Variants in ASTN2 observed in about 807,000 individuals in gnomAD.
The protein encoded by ASTN2 is astrotactin-2.
A neutral mutation model predicts 139.8 loss-of-function variants in ASTN2; 54 were observed. The observed-to-expected ratio is 0.39, with a 90% CI of 0.31 to 0.48. The LOEUF is 0.48. ASTN2 is among the 20% of genes least tolerant of loss of function. The pLI, the probability that ASTN2 is intolerant of heterozygous loss-of-function variation, is 0.95. For synonymous variants in ASTN2, 756 were observed against 719.5 expected, an observed-to-expected ratio of 1.05 and a Z score of -0.81; for missense variants, 1,565 against 1,725.1, an observed-to-expected ratio of 0.91 and a Z score of 1.64.
At chr9:117,350,007 T>C (rs1212919971) in intron 1 of ASTN2, among the ~76,000 whole-genome samples, 3 of 152,200 alleles carry the variant, frequency 2.0e-5, no homozygotes. Flanking sequence ...GAATAAAGTC[T>C]ATAGTATAGT....
chr9:116,862,583 G>A (rs1237286054), intron 11 of ASTN2, among the ~76,000 whole-genome samples: 1 of 152,074 alleles, frequency 6.6e-6, no homozygotes, highest in Non-Finnish European at 1.5e-5. Context: ...CAGAGAGAAG[G>A]TACAAGAAAA....
intron 20 of ASTN2, among the ~76,000 whole-genome samples, chr9:116,470,638 A>G (rs1173604193): frequency 6.6e-6 from 1 of 152,206 alleles, no homozygotes. Context: ...CATATCATTG[A>G]TTCTTTTATT....
intron 1 of ASTN2, among the ~76,000 whole-genome samples, chr9:117,353,358 T>C (rs1403015140): frequency 2.0e-5 from 3 of 152,196 alleles, no homozygotes; most frequent in Non-Finnish European, 4.4e-5. Context: ...GTTACATCTG[T>C]ACTGTCCAAT....
intron 12 of ASTN2, among the ~76,000 whole-genome samples, chr9:116,809,601 G>A (rs913381186): frequency 4.6e-5 from 7 of 152,094 alleles, no homozygotes; most frequent in Non-Finnish European, 1.0e-4. Context: ...TTCAGAATGG[G>A]CTTATCAAAT....
chr9:117,411,123 G>T (rs543164595), intron 1 of ASTN2, among the ~76,000 whole-genome samples: 1 of 152,054 alleles, frequency 6.6e-6, no homozygotes, highest in African/African-American at 2.4e-5. Context: ...TGGATTACGC[G>T]TTTGACCTCT....
chr9:116,771,513 C>A (rs1020992587), intron 13 of ASTN2, among the ~76,000 whole-genome samples: 1 of 152,178 alleles, frequency 6.6e-6, no homozygotes, highest in African/African-American at 2.4e-5. Flanking sequence ...GTAGGAACAG[C>A]ATCCAATTTA....
chr9:117,170,294 C>T (rs1830761692), intron 3 of ASTN2, among the ~76,000 whole-genome samples: 2 of 152,074 alleles, frequency 1.3e-5, no homozygotes, highest in African/African-American at 4.8e-5. Context: ...TCATTGACAT[C>T]CTCTGTTTCC....
intron 10 of ASTN2, among the ~76,000 whole-genome samples, chr9:116,960,035 G>C (rs1437857702): frequency 6.6e-6 from 1 of 152,130 alleles, no homozygotes; most frequent in Non-Finnish European, 1.5e-5. Flanking sequence ...ATTTATGCCT[G>C]TCTCGCTGGG....
chr9:116,816,458 T>TGCTGGAGAAGAACTCTACTC (rs1315758711), intron 12 of ASTN2, among the ~76,000 whole-genome samples: 3 of 152,206 alleles, frequency 2.0e-5, no homozygotes, highest in African/African-American at 7.2e-5. Context: ...TCTTTGCCCC[T>TGCTGGAGAAGAACTCTACTC]GCTGGAGAAG....
chr9:117,194,541 G>A (rs891312479), intron 3 of ASTN2, among the ~76,000 whole-genome samples: 1 of 152,156 alleles, frequency 6.6e-6, no homozygotes, highest in Non-Finnish European at 1.5e-5. Context: ...ACATTCACAC[G>A]TGAATATGTG....
chr9:117,077,742 T>G (rs1828318508), intron 5 of ASTN2, among the ~76,000 whole-genome samples: 1 of 152,104 alleles, frequency 6.6e-6, no homozygotes, highest in Non-Finnish European at 1.5e-5. Flanking sequence ...AGCAAGACTC[T>G]GTCTAAATAA....
intron 19 of ASTN2, among the ~76,000 whole-genome samples, chr9:116,526,967 C>T (rs1290199562): frequency 3.3e-5 from 5 of 152,158 alleles, no homozygotes; most frequent in Non-Finnish European, 7.4e-5. Flanking sequence ...CTTCAATAAA[C>T]GGTGCTGGGA....
chr9:116,998,539 A>T (rs1837085859), intron 7 of ASTN2, among the ~76,000 whole-genome samples: 1 of 151,316 alleles, frequency 6.6e-6, no homozygotes. Context: ...TAGCAGCTGA[A>T]ATTTGATTTT....
intron 16 of ASTN2, among the ~76,000 whole-genome samples, chr9:116,697,036 C>G (rs1860896278): frequency 6.6e-6 from 1 of 150,694 alleles, no homozygotes; most frequent in Admixed American, 6.6e-5. Context: ...TCATTTCTTT[C>G]AAGACATATC....
At chr9:117,212,818 A>T (rs1832182916) in intron 3 of ASTN2, among the ~76,000 whole-genome samples, 1 of 152,164 alleles carries the variant, frequency 6.6e-6, no homozygotes, top group African/African-American at 2.4e-5. Context: ...AGAAAAGAAA[A>T]CTCATACACT....
intron 18 of ASTN2, 49 bp from the exon 19 acceptor site, chr9:116,618,521 G>T (rs1855966593): frequency 1.3e-6 from 2 of 1,566,640 alleles, no homozygotes; most frequent in Admixed American, 3.9e-5. Flanking sequence ...AGCACCAGCT[G>T]GGGCCCAAAA....
At chr9:116,802,068 GTTCT>G (rs1346454064) in intron 13 of ASTN2, among the ~76,000 whole-genome samples, 2 of 138,888 alleles carry the variant, frequency 1.4e-5, no homozygotes, top group Non-Finnish European at 3.1e-5. Context: ...AAGGGGCCAT[GTTCT>G]TTCTTTCTTT....
At chr9:116,531,296 G>A (rs1851332517) in intron 19 of ASTN2, among the ~76,000 whole-genome samples, 2 of 152,232 alleles carry the variant, frequency 1.3e-5, no homozygotes, top group Middle Eastern at 3.4e-3. Flanking sequence ...ACTCAAATAT[G>A]GCAATAGGGC....
rs78646415 is a variant in ASTN2, at chr9:117,140,804, C to T, written c.1168+522G>A. On this transcript the variant is annotated intron_variant, in intron 4 of 22. Transcript: ENST00000313400. ...TTACAACCCTGTGAGACAGGAGTGG[C>T]TTGGAGAAGTAGAGTGATTTGCCCT... Among the ~76,000 whole-genome samples, 4 of 152,222 alleles carry T rather than the reference C, an allele frequency of 2.6e-5. No individual in the cohort carries two copies. In the East Asian group the frequency reaches 7.7e-4, roughly 29 times the overall value.
Sources: allele counts gnomAD v4.1 joint callset (sites outside exome capture counted in the v4.1 genomes callset), GRCh38; gene constraint gnomAD v4.1.1; transcripts MANE v1.5; gene names NCBI Gene and HGNC (gene_info 2026-07-23, HGNC 2026-07-21).